TNK2: variants seen among roughly 807,000 people sequenced by gnomAD.
TNK2 encodes activated CDC42 kinase 1.
A neutral mutation model predicts 101.8 loss-of-function variants in TNK2; 83 were observed. That is an observed-to-expected ratio of 0.82 (90% CI 0.68 to 0.98). The LOEUF (loss-of-function observed/expected upper bound fraction) is 0.98, where lower values mean the gene tolerates loss of function less well. Ranked by LOEUF, TNK2 falls within the 50% of genes least tolerant of loss-of-function variation. The probability of loss-of-function intolerance (pLI) is 0.00; values close to 1 mark genes in which losing one functional copy is unlikely to be tolerated. For missense variants in TNK2, 1,665 were observed against 1,483.2 expected (o/e 1.12, Z -2.01); for synonymous variants, 804 against 633.0 (o/e 1.27, Z -4.06).
chr3:195,870,429 G>A, intron 10 of TNK2: 1 of 1,382,486 alleles, frequency 7.2e-7, no homozygotes, highest in South Asian at 1.2e-5. Context: ...GAAAGCCTAG[G>A]ACCTCAGGGA....
At chr3:195,905,005 A>C (rs1337571329) in intron 1 of TNK2, among the ~76,000 whole-genome samples, 1 of 152,214 alleles carries the variant, frequency 6.6e-6, no homozygotes, top group African/African-American at 2.4e-5. Context: ...ATGTATATGG[A>C]AGTGCAAAGA....
At chr3:195,891,704 CGCAGGGAGAGCAGTCTCCA>C (rs1461629442) in intron 1 of TNK2, among the ~76,000 whole-genome samples, 1 of 152,086 alleles carries the variant, frequency 6.6e-6, no homozygotes, top group Non-Finnish European at 1.5e-5. Flanking sequence ...CCTAGTCTCC[CGCAGGGAGAGCAGTCTCCA>C]GGGCTCCTCT....
At position 195,869,392 on chromosome 3, in the gene TNK2, C is replaced by T. The variant is rs572751105; in HGVS notation, c.1588+105G>A. On this transcript the variant is annotated intron_variant, in intron 12 of 15. Coordinates refer to ENST00000672887, the MANE Select transcript of TNK2 (RefSeq NM_001382273.1). The stretch of plus-strand genomic sequence containing the variant: ...CGGAAGCTCACAGCACACACCCACC[C>T]ACCTCCCCTCCGGCCCAGCCGCCCA... 38 of 1,064,406 alleles carry T rather than the reference C, an allele frequency of 3.6e-5. 1 individual carries two copies. The African/African-American group carries it at 4.9e-4, about 14-fold the overall frequency. The allele number at this position is 1,064,406 out of a possible 1,614,324, so 65.9% of individuals were successfully genotyped here.
chr3:195,900,828 G>C (rs1439822560), intron 1 of TNK2, among the ~76,000 whole-genome samples: 1 of 152,244 alleles, frequency 6.6e-6, no homozygotes, highest in Admixed American at 6.5e-5. Flanking sequence ...CCCAGAGAGA[G>C]CTCTTCCAGG....
chr3:195,870,297 G>C, intron 10 of TNK2, 92 bp from the exon 11 acceptor site: 2 of 1,563,654 alleles, frequency 1.3e-6, no homozygotes, highest in Non-Finnish European at 1.7e-6. Flanking sequence ...GGAGGAAACC[G>C]GGTGTAGTCT....
rs573308978 is a variant in TNK2 at position 195,882,726 on chromosome 3, C to T, written c.610-398G>A. On this transcript the variant is annotated intron_variant, in intron 5 of 15. Transcript: ENST00000672887. This position sits in a 1 kb window ranked among gnomAD's most constrained non-coding sequence, Gnocchi z 4.2. ...TACAAAAATTAGCCAGGCATGGTAG[C>T]GCACGGCTGTAATCCCAGCTACTTG... Among the ~76,000 whole-genome samples the T allele has an allele frequency of 9.2e-5, 14 of 152,222 alleles. No homozygotes were observed. The East Asian group carries it at 1.5e-3, about 17-fold the overall frequency.
chr3:195,870,529 T>C (rs769786948), intron 10 of TNK2: 9 of 630,120 alleles, frequency 1.4e-5, no homozygotes, highest in Non-Finnish European at 2.1e-5. Flanking sequence ...GGGCAGACAC[T>C]CCTGTCCCGC....
chr3:195,869,145 C>T, intron 12 of TNK2: 1 of 532,676 alleles, frequency 1.9e-6, no homozygotes, highest in Non-Finnish European at 3.4e-6. Context: ...TTGGAGAGGA[C>T]AGTACTCCTG....
Position 195,864,012 on chromosome 3 carries a change from T to C in TNK2, c.*169A>G, listed in dbSNP as rs1443105040. 5 of 810,428 alleles carry C rather than the reference T, an allele frequency of 6.2e-6. No homozygotes were observed. The highest frequency in any genetic ancestry group is 1.7e-5 in the African/African-American group (1 of 58,472). The allele number at this position is 810,428 out of a possible 1,614,324, so 50.2% of individuals were successfully genotyped here. The stretch of plus-strand genomic sequence containing the variant: ...AGGGACAGCGCTGGTGCAGGAGGGA[T>C]GGGCAGGGCAGGGCTCCCAGCCTCC... On this transcript the variant is annotated 3_prime_UTR_variant, in exon 16 of 16. Transcript: ENST00000672887.
chr3:195,881,547 A>G (rs1201383348), intron 6 of TNK2, among the ~76,000 whole-genome samples: 94 of 58,120 alleles, frequency 1.6e-3, no homozygotes, highest in Admixed American at 5.4e-3. Flanking sequence ...CCCCCCAGCA[A>G]TGCCCCTTGA....
Position 195,884,973 on chromosome 3 carries a change from G to A in TNK2, c.295C>T (p.Arg99Trp), listed in dbSNP as rs3747673. The A allele has an allele frequency of 3.1e-3, 4,928 of 1,613,722 alleles. 243 individuals are homozygous for A. In the East Asian group the frequency reaches 0.097, roughly 32 times the overall value. The change falls in exon 4 of 16, where the codon CGG becomes TGG. Residue 99 changes from arginine (R) to tryptophan (W), a missense_variant. Arg to Trp is a moderately radical substitution (Grantham distance 101). Transcript: ENST00000672887. ...FPPHHSQSTF[R>W]KTSPAPGGPA... ...CCCCCAGGGGCGGGCGAGGTCTTCC[G>A]GAAGGTGCTCTGAGAGTGATGAGGT...
At chr3:195,875,982 G>A (rs1268239413) in intron 9 of TNK2, among the ~76,000 whole-genome samples, 2 of 152,118 alleles carry the variant, frequency 1.3e-5, no homozygotes, top group Non-Finnish European at 2.9e-5. Context: ...TGTTCAAAAC[G>A]CCCGCCCGCT....
At chr3:195,895,679 G>T in intron 1 of TNK2, 1 of 1,087,482 alleles carries the variant, frequency 9.2e-7, no homozygotes, top group Non-Finnish European at 1.2e-6. Context: ...TCAGCCCTCA[G>T]CCCGCCTCCA....
Position 195,892,741 on chromosome 3 carries a change from C to A in TNK2, c.-18-4135G>T, listed in dbSNP as rs111519574. On this transcript the variant is annotated intron_variant, in intron 1 of 15. Transcript: ENST00000672887. ...TCCTGTTTCTGTCTTCTCTCCAGGG[C>A]AGTGGTCACAGTCCAGCCCTACTCC... is the stretch of plus-strand genomic sequence containing the variant. The A allele has an allele frequency of 1.0e-4, 141 of 1,350,110 alleles. No homozygotes were observed. The East Asian group carries it at 1.7e-3, about 16-fold the overall frequency. 83.6% of individuals were successfully genotyped at this position (1,350,110 alleles called of 1,614,324 possible).
intron 1 of TNK2, among the ~76,000 whole-genome samples, chr3:195,893,029 T>C (rs1473167949): frequency 6.6e-6 from 1 of 151,830 alleles, no homozygotes; most frequent in Non-Finnish European, 1.5e-5. Context: ...CCTGGGACTT[T>C]AGGGTGGCGG....
chr3:195,897,646 C>G (rs1431993052), intron 1 of TNK2, among the ~76,000 whole-genome samples: 1 of 152,130 alleles, frequency 6.6e-6, no homozygotes, highest in Non-Finnish European at 1.5e-5. Context: ...GGATTACAGG[C>G]GTGCACTATC....
intron 6 of TNK2, among the ~76,000 whole-genome samples, chr3:195,879,922 C>G (rs1476665161): frequency 6.6e-6 from 1 of 152,138 alleles, no homozygotes; most frequent in Non-Finnish European, 1.5e-5. Flanking sequence ...ACCATGCAAA[C>G]CAGGATGCCT....
rs1467361792 is a variant in TNK2, at chr3:195,872,382, G to A, written c.1345C>T (p.Leu449=). 3 of 1,613,256 alleles carry A rather than the reference G, an allele frequency of 1.9e-6. No individual in the cohort carries two copies. Among genetic ancestry groups the A allele is most frequent in the Non-Finnish European group, 2.5e-6 (3 of 1,179,896 alleles). Reference sequence around the variant, plus strand: ...GGCTGGCTGATGTCCTGGGCCGACAGGCCGGCCACGGAGGTCACCACGTTG... The same window carrying A: ...GGCTGGCTGATGTCCTGGGCCGACAAGCCGGCCACGGAGGTCACCACGTTG... The part of the protein sequence containing the change: ...PRNVVTSVAG[L]SAQDISQPLQ... Residue 449 remains leucine (L), a synonymous_variant, in exon 10 of 16, where the codon CTG becomes TTG. Coordinates refer to ENST00000672887, the MANE Select transcript of TNK2 (RefSeq NM_001382273.1).
chr3:195,906,297 A>C (rs1446798097), intron 1 of TNK2, among the ~76,000 whole-genome samples: 1 of 152,240 alleles, frequency 6.6e-6, no homozygotes. Flanking sequence ...TACCTACCAC[A>C]TGACCCAGCC....
Sources: gnomAD v4.1 joint callset for allele counts (sites outside exome capture counted in the v4.1 genomes callset) on GRCh38, gnomAD v4.1.1 for gene constraint, Gnocchi (gnomAD v3.1) non-coding constraint, MANE v1.5 for transcripts, NCBI Gene and HGNC (gene_info 2026-07-23, HGNC 2026-07-21) for gene names.